Variants in INPP5A observed in about 807,000 individuals in gnomAD.
The protein encoded by INPP5A is inositol polyphosphate-5-phosphatase A.
INPP5A carries 14 observed loss-of-function variants against 65.2 expected under a neutral mutation model. That is an observed-to-expected ratio of 0.21 (90% CI 0.14 to 0.34). INPP5A has a LOEUF of 0.34. INPP5A is among the 10% of genes least tolerant of loss of function. INPP5A has a pLI of 1.00. For missense variants in INPP5A, 431 were observed against 545.6 expected, an observed-to-expected ratio of 0.79 and a Z score of 2.09; for synonymous variants, 207 against 208.3, an observed-to-expected ratio of 0.99 and a Z score of 0.05.
intron 8 of INPP5A, among the ~76,000 whole-genome samples, chr10:132,713,047 T>G (rs1375380158): frequency 2.0e-5 from 3 of 151,360 alleles, no homozygotes; most frequent in Admixed American, 2.0e-4. Context: ...TGTGTGTGGG[T>G]GTGTGTGCAT....
In INPP5A at chr10:132,575,822, C is replaced by T. The variant is rs1165197574; in HGVS notation, c.76-32093C>T. 2.0e-5 allele frequency among the ~76,000 whole-genome samples: 3 copies of T among 152,126 alleles called. No individual in the cohort carries two copies. The highest frequency in any genetic ancestry group is 4.8e-5 in the African/African-American group (2 of 41,418). ...GGAGTGTGTGGTCCCCTAGTGACAC[C>T]GCCTGCTCTGTGGCTGTTTTCTTTC... is the stretch of plus-strand genomic sequence containing the variant. On this transcript the variant is annotated intron_variant, in intron 1 of 15. Coordinates refer to ENST00000368594, the MANE Select transcript of INPP5A (RefSeq NM_005539.5). This position sits in a 1 kb window ranked among gnomAD's most constrained non-coding sequence, Gnocchi z 5.4.
intron 2 of INPP5A, among the ~76,000 whole-genome samples, chr10:132,608,612 T>TG (rs1209992066): frequency 2.0e-5 from 3 of 152,126 alleles, no homozygotes; most frequent in Non-Finnish European, 4.4e-5. Flanking sequence ...CTCTGAGGAC[T>TG]GGGTGCATGG....
At position 132,741,057 on chromosome 10, in the gene INPP5A, G is replaced by T. The variant is rs546795894; in HGVS notation, c.733-8460G>T. Among the ~76,000 whole-genome samples the T allele has an allele frequency of 6.6e-6, 1 of 152,116 alleles. No individual in the cohort carries two copies. The highest frequency in any genetic ancestry group is 1.5e-5 in the Non-Finnish European group (1 of 68,026). On this transcript the variant is annotated intron_variant, in intron 9 of 15. Transcript: ENST00000368594. This position sits in a 1 kb window ranked among gnomAD's most constrained non-coding sequence, Gnocchi z 4.4. The stretch of plus-strand genomic sequence containing the variant: ...AGCCTGGGCAACATAGGGAGTCCCC[G>T]TCTCTACAGAAAATAAGAAAGTAAA...
chr10:132,551,450 G>A lies in INPP5A; in HGVS notation c.75+13279G>A, dbSNP rs539855389. Among the ~76,000 whole-genome samples the A allele has an allele frequency of 2.6e-5, 4 of 152,334 alleles. No homozygotes were observed. Among genetic ancestry groups the A allele is most frequent in the African/African-American group, 9.6e-5 (4 of 41,574 alleles). ...CTGGGTCAGCAAGTGTTTGCCATAC[G>A]CCTGGGTGCAAAGTGGACCAGCCAC... On this transcript the variant is annotated intron_variant, in intron 1 of 15. Coordinates refer to ENST00000368594, the MANE Select transcript of INPP5A (RefSeq NM_005539.5). This position sits in a 1 kb window ranked among gnomAD's most constrained non-coding sequence, Gnocchi z 5.3.
chr10:132,679,217 G>A (rs558652399), intron 4 of INPP5A, among the ~76,000 whole-genome samples: 29 of 152,312 alleles, frequency 1.9e-4, no homozygotes, highest in Non-Finnish European at 3.8e-4. Context: ...TCTGTAATCC[G>A]TAGAACCTGT....
chr10:132,748,970 A>G (rs945423689), intron 9 of INPP5A, among the ~76,000 whole-genome samples: 1 of 152,172 alleles, frequency 6.6e-6, no homozygotes, highest in Admixed American at 6.5e-5. Context: ...CCTGCGCCCC[A>G]GGGACTGGTT....
chr10:132,625,274 C>T (rs1454491141), intron 2 of INPP5A, among the ~76,000 whole-genome samples: 4 of 151,786 alleles, frequency 2.6e-5, no homozygotes, highest in Admixed American at 6.6e-5. Context: ...TTCCCTACTC[C>T]GCTCCTGTCA....
intron 2 of INPP5A, among the ~76,000 whole-genome samples, chr10:132,625,840 CTGTGTGTGTGTGTGTGTG>C (rs139839964): frequency 6.8e-6 from 1 of 146,590 alleles, no homozygotes; most frequent in South Asian, 2.2e-4. Flanking sequence ...GGCAGGACTT[CTGTGTGTGTGTGTGTGTG>C]TGTGTGTGTG....
At chr10:132,552,048 C>T (rs1477167312) in intron 1 of INPP5A, among the ~76,000 whole-genome samples, 2 of 152,234 alleles carry the variant, frequency 1.3e-5, no homozygotes, top group Admixed American at 1.3e-4. Flanking sequence ...CCTTGTCTCC[C>T]ATTCACTCGG....
Position 132,782,578 on chromosome 10 carries a change from G to T in INPP5A, c.*549G>T, listed in dbSNP as rs1310731361. The T allele has an allele frequency of 6.6e-6, 1 of 150,608 alleles. No individual in the cohort carries two copies. Among genetic ancestry groups the T allele is most frequent in the Non-Finnish European group, 1.5e-5 (1 of 67,836 alleles). 9.3% of individuals were successfully genotyped at this position (150,608 alleles called of 1,614,324 possible). A position where few individuals can be genotyped will look rare whatever the true frequency, so the allele number is the denominator to read the frequency against. ...CACATGGTTTTTGAATCACACTGCAGCTGCTTTCCATTTTTATATATATAT... is the reference window on the plus strand; with the variant it reads ...CACATGGTTTTTGAATCACACTGCATCTGCTTTCCATTTTTATATATATAT... On this transcript the variant is annotated 3_prime_UTR_variant, in exon 16 of 16. Coordinates refer to ENST00000368594, the MANE Select transcript of INPP5A (RefSeq NM_005539.5). The surrounding 1 kb of genome is among the most constrained non-coding windows in gnomAD (Gnocchi z 4.4).
In INPP5A at chr10:132,779,248, G is replaced by A. The variant is rs1591009784; in HGVS notation, c.1089+1466G>A. Among the ~76,000 whole-genome samples the A allele has an allele frequency of 2.0e-5, 3 of 152,254 alleles. No homozygotes were observed. The South Asian group carries it at 6.2e-4, about 31-fold the overall frequency. The stretch of plus-strand genomic sequence containing the variant: ...GCTGTGGACCTGCCACTGCCCCTCT[G>A]GCTGGGCTCACTGGTAGGCACGCCA... On this transcript the variant is annotated intron_variant, in intron 13 of 15. Transcript: ENST00000368594.
intron 6 of INPP5A, among the ~76,000 whole-genome samples, chr10:132,699,793 C>T (rs117500216): frequency 5.3e-5 from 8 of 152,328 alleles, no homozygotes; most frequent in Non-Finnish European, 1.2e-4. Flanking sequence ...CGAAGCAGCC[C>T]TGCCACTCTG....
chr10:132,578,674 G>C (rs2071441797), intron 1 of INPP5A, among the ~76,000 whole-genome samples: 1 of 151,266 alleles, frequency 6.6e-6, no homozygotes, highest in South Asian at 2.1e-4. Context: ...GGGGAGGAGA[G>C]TATGTGGGGG....
At chr10:132,715,905 G>A (rs887527808) in intron 8 of INPP5A, among the ~76,000 whole-genome samples, 1 of 152,156 alleles carries the variant, frequency 6.6e-6, no homozygotes, top group Non-Finnish European at 1.5e-5. Flanking sequence ...GTGTCCCTCC[G>A]CATGCCCGGG....
intron 1 of INPP5A, among the ~76,000 whole-genome samples, chr10:132,553,515 G>A (rs147391037): frequency 0.013 from 1,673 of 124,814 alleles, 8 homozygotes; most frequent in Non-Finnish European, 0.021. Context: ...CAGAGCCTTG[G>A]TGTGGAATAT....
chr10:132,704,122 C>G lies in INPP5A; in HGVS notation c.475-4191C>G, dbSNP rs1190464020. 2.0e-5 allele frequency among the ~76,000 whole-genome samples: 3 copies of G among 152,002 alleles called. No homozygotes were observed. Among genetic ancestry groups the G allele is most frequent in the Non-Finnish European group, 4.4e-5 (3 of 67,984 alleles). ...CATCTGGTTCCCAAAGCATGTCAGG[C>G]CCCCCAGTCCCCCCAGACAGGAGGT... On this transcript the variant is annotated intron_variant, in intron 6 of 15. Transcript: ENST00000368594. The surrounding 1 kb of genome is among the most constrained non-coding windows in gnomAD (Gnocchi z 4.5).
At chr10:132,672,140 T>A (rs540306020) in intron 4 of INPP5A, among the ~76,000 whole-genome samples, 1 of 152,262 alleles carries the variant, frequency 6.6e-6, no homozygotes, top group South Asian at 2.1e-4. Flanking sequence ...ATTCTTTTGC[T>A]AAAAACATGT....
chr10:132,769,672 G>T (rs1453087135), intron 12 of INPP5A, among the ~76,000 whole-genome samples: 1 of 152,218 alleles, frequency 6.6e-6, no homozygotes, highest in Non-Finnish European at 1.5e-5. Flanking sequence ...GCCCTTAGTG[G>T]TGAGCAGAGG....
chr10:132,712,515 GGT>G (rs1845659617), intron 8 of INPP5A, among the ~76,000 whole-genome samples: 2 of 150,944 alleles, frequency 1.3e-5, no homozygotes, highest in Non-Finnish European at 1.5e-5. Context: ...CACTTGCAGG[GGT>G]GTGGGGGTTG....
Sources: gnomAD v4.1 joint callset for allele counts (sites outside exome capture counted in the v4.1 genomes callset) on GRCh38, gnomAD v4.1.1 for gene constraint, Gnocchi (gnomAD v3.1) non-coding constraint, MANE v1.5 for transcripts, NCBI Gene and HGNC (gene_info 2026-07-23, HGNC 2026-07-21) for gene names.